The following KCND3 variants were observed in gnomAD, a reference collection of about 807,000 sequenced individuals.
KCND3 encodes A-type voltage-gated potassium channel KCND3.
KCND3 carries 9 observed loss-of-function variants against 51.1 expected under a neutral mutation model. That is an observed-to-expected ratio of 0.18 (90% confidence interval 0.11 to 0.31). KCND3 has a LOEUF of 0.31. Ranked by LOEUF, KCND3 falls within the 10% of genes least tolerant of loss-of-function variation. KCND3 has a pLI of 1.00. For synonymous variants in KCND3, 349 were observed against 368.0 expected (o/e 0.95, Z 0.59); for missense variants, 526 against 903.8 (o/e 0.58, Z 5.36).
At position 111,810,820 on chromosome 1, in the gene KCND3, G is replaced by T. The variant is rs576474431; in HGVS notation, c.1107-23714C>A. 2.2e-4 allele frequency among the ~76,000 whole-genome samples: 34 copies of T among 152,306 alleles called. No individual in the cohort carries two copies. In the East Asian group the frequency reaches 5.2e-3, roughly 23 times the overall value. ...TATTTTTTTTCCAGAGTCTGTCTGG[G>T]TTTTTTATGTGGGTGTGTGCAAAGA... On this transcript the variant is annotated intron_variant, in intron 2 of 7. Transcript: ENST00000302127.
At chr1:111,846,923 T>C (rs1434778125) in intron 2 of KCND3, among the ~76,000 whole-genome samples, 1 of 152,196 alleles carries the variant, frequency 6.6e-6, no homozygotes, top group Non-Finnish European at 1.5e-5. Context: ...AGCACGGTAG[T>C]ACCTGTGTTC....
rs190936919 is a variant in KCND3, at chr1:111,839,482, A to G, written c.1107-52376T>C. Among the ~76,000 whole-genome samples the G allele has an allele frequency of 2.0e-5, 3 of 152,340 alleles. No homozygotes were observed. The East Asian group carries it at 5.8e-4, about 29-fold the overall frequency. ...AAGCTAACATTATGTCATTTCCCCA[A>G]GGAGCAGTCCTTTACCTTGTTCATT... On this transcript the variant is annotated intron_variant, in intron 2 of 7. Coordinates refer to ENST00000302127, the MANE Select transcript of KCND3 (RefSeq NM_001378969.1).
At position 111,981,510 on chromosome 1, in the gene KCND3, G is replaced by T; in HGVS notation, c.1106+111C>A. Reference sequence around the variant, plus strand: ...GCAACTTCCCCTGCCCCCAACACTTGGGTAAGGGACTCCCTCCTCCTCTAC... The same window carrying T: ...GCAACTTCCCCTGCCCCCAACACTTTGGTAAGGGACTCCCTCCTCCTCTAC... On this transcript the variant is annotated intron_variant, in intron 2 of 7. Coordinates refer to ENST00000302127, the MANE Select transcript of KCND3 (RefSeq NM_001378969.1). This position sits in a 1 kb window ranked among gnomAD's most constrained non-coding sequence, Gnocchi z 6.2. 6.7e-7 allele frequency: 1 copy of T among 1,503,160 alleles called. No individual in the cohort carries two copies. Among genetic ancestry groups the T allele is most frequent in the Non-Finnish European group, 9.2e-7 (1 of 1,083,450 alleles). 93.1% of individuals were successfully genotyped at this position (1,503,160 alleles called of 1,614,324 possible).
chr1:111,808,167 G>A (rs558824711), intron 2 of KCND3, among the ~76,000 whole-genome samples: 15 of 152,282 alleles, frequency 9.9e-5, no homozygotes, highest in Admixed American at 2.6e-4. Context: ...CTTGTCTAAC[G>A]CCTGGGATAG....
rs1276412250 is a variant in KCND3 at position 111,775,145 on chromosome 1, C to T, written c.*932G>A. 1 of 152,278 alleles carries T rather than the reference C, an allele frequency of 6.6e-6. No individual in the cohort carries two copies. The highest frequency in any genetic ancestry group is 6.5e-5 in the Admixed American group (1 of 15,278). The allele number at this position is 152,278 out of a possible 1,614,324, so 9.4% of individuals were successfully genotyped here. ...CTCCCAATTTTTGCTTCACTCTTTC[C>T]TCCTCTGCAGTTGCATTCACACAGA... On this transcript the variant is annotated 3_prime_UTR_variant, in exon 8 of 8. Coordinates refer to ENST00000302127, the MANE Select transcript of KCND3 (RefSeq NM_001378969.1).
intron 2 of KCND3, among the ~76,000 whole-genome samples, chr1:111,820,053 C>T (rs1395611418): frequency 6.6e-6 from 1 of 152,244 alleles, no homozygotes; most frequent in South Asian, 2.1e-4. Context: ...TTCATTGGCT[C>T]ATCCACTGCC....
intron 2 of KCND3, among the ~76,000 whole-genome samples, chr1:111,806,468 C>A (rs1209533371): frequency 6.6e-6 from 1 of 152,070 alleles, no homozygotes; most frequent in Non-Finnish European, 1.5e-5. Flanking sequence ...AACCTGGGGA[C>A]CATTTGATTG....
chr1:111,825,652 T>G (rs1267697232), intron 2 of KCND3, among the ~76,000 whole-genome samples: 1 of 152,264 alleles, frequency 6.6e-6, no homozygotes, highest in African/African-American at 2.4e-5. Flanking sequence ...AAATCATCCA[T>G]GCTTCCACCA....
rs186215082 is a variant in KCND3, at chr1:111,853,559, G to A, written c.1107-66453C>T. On this transcript the variant is annotated intron_variant, in intron 2 of 7. Transcript: ENST00000302127. ...TAATTTGAATCACAAAGCCCACCCCGGCACTCCATAGCCTCATTCTTTGCT... is the reference window on the plus strand; with the variant it reads ...TAATTTGAATCACAAAGCCCACCCCAGCACTCCATAGCCTCATTCTTTGCT... Among the ~76,000 whole-genome samples, 172 of 152,190 alleles carry A rather than the reference G, an allele frequency of 1.1e-3. 1 individual carries two copies. The highest frequency in any genetic ancestry group is 8.1e-3 in the Admixed American group (124 of 15,296).
intron 2 of KCND3, among the ~76,000 whole-genome samples, chr1:111,837,414 G>A (rs1332237049): frequency 1.3e-5 from 2 of 152,230 alleles, no homozygotes; most frequent in African/African-American, 4.8e-5. Context: ...GTTATTATGT[G>A]CCAGGGGCCC....
At chr1:111,816,394 C>T (rs749062067) in intron 2 of KCND3, among the ~76,000 whole-genome samples, 41 of 152,278 alleles carry the variant, frequency 2.7e-4, no homozygotes, top group Non-Finnish European at 4.1e-4. Context: ...TCCAGGAAAG[C>T]TTTGCGTGCA....
rs147696355 is a variant in KCND3 at position 111,973,212 on chromosome 1, A to C, written c.1106+8409T>G. On this transcript the variant is annotated intron_variant, in intron 2 of 7. Coordinates refer to ENST00000302127, the MANE Select transcript of KCND3 (RefSeq NM_001378969.1). The stretch of plus-strand genomic sequence containing the variant: ...GAAATAGAGATGGAAGGAAAGATGG[A>C]GGACTATGCCACTGGGAGAAATCCA... Among the ~76,000 whole-genome samples the C allele has an allele frequency of 3.9e-5, 6 of 152,370 alleles. No homozygotes were observed. In the East Asian group the frequency reaches 1.2e-3, roughly 29 times the overall value.
intron 3 of KCND3, among the ~76,000 whole-genome samples, chr1:111,785,932 A>G (rs1451667366): frequency 1.3e-5 from 2 of 152,222 alleles, no homozygotes; most frequent in Non-Finnish European, 2.9e-5. Flanking sequence ...GGATAAAAGA[A>G]TAAAGTAAGG....
At chr1:111,804,551 C>A (rs1665474754) in intron 2 of KCND3, among the ~76,000 whole-genome samples, 1 of 152,192 alleles carries the variant, frequency 6.6e-6, no homozygotes, top group Admixed American at 6.5e-5. Flanking sequence ...CTCAGCAGCC[C>A]TGCCTGTAGC....
chr1:111,885,616 G>A (rs1669533556), intron 2 of KCND3, among the ~76,000 whole-genome samples: 2 of 152,042 alleles, frequency 1.3e-5, no homozygotes, highest in South Asian at 4.2e-4. Context: ...AAGGCCAACT[G>A]GGCAGATGAG....
chr1:111,904,927 G>A (rs1670573401), intron 2 of KCND3, among the ~76,000 whole-genome samples: 1 of 152,180 alleles, frequency 6.6e-6, no homozygotes, highest in Non-Finnish European at 1.5e-5. Flanking sequence ...ACGTCCCTCT[G>A]CCTTGGCCAC....
chr1:111,864,400 T>C (rs537559359), intron 2 of KCND3, among the ~76,000 whole-genome samples: 2 of 152,334 alleles, frequency 1.3e-5, no homozygotes, highest in South Asian at 2.1e-4. Flanking sequence ...CTTACTTTGC[T>C]GTGAACAACT....
At chr1:111,837,310 C>T (rs983308014) in intron 2 of KCND3, among the ~76,000 whole-genome samples, 10 of 152,104 alleles carry the variant, frequency 6.6e-5, no homozygotes, top group East Asian at 1.9e-4. Flanking sequence ...ACACCTGATG[C>T]TACTCTCTGA....
chr1:111,870,923 T>C (rs183972266), intron 2 of KCND3, among the ~76,000 whole-genome samples: 31 of 152,302 alleles, frequency 2.0e-4, no homozygotes, highest in Non-Finnish European at 2.4e-4. Context: ...ATAACGGGAA[T>C]ATAACATCCA....
Sources: gnomAD v4.1 joint callset for allele counts (sites outside exome capture counted in the v4.1 genomes callset) on GRCh38, gnomAD v4.1.1 for gene constraint, Gnocchi (gnomAD v3.1) non-coding constraint, MANE v1.5 for transcripts, NCBI Gene and HGNC (gene_info 2026-07-23, HGNC 2026-07-21) for gene names.